The following TNFRSF10A variants were observed in gnomAD, a reference collection of about 807,000 sequenced individuals.
The protein encoded by TNFRSF10A is tumor necrosis factor receptor superfamily member 10A.
TNFRSF10A carries 44 observed loss-of-function variants against 42.8 expected under a neutral mutation model. The ratio of observed to expected loss-of-function variants is 1.03; its 90% CI spans 0.81 to 1.32. The LOEUF (loss-of-function observed/expected upper bound fraction) is 1.32. TNFRSF10A is among the 40% of genes most tolerant of loss of function. The probability of loss-of-function intolerance (pLI) is 0.00; values close to 1 mark genes in which losing one functional copy is unlikely to be tolerated. For missense variants in TNFRSF10A, 680 were observed against 602.0 expected, an observed-to-expected ratio of 1.13 and a Z score of -1.36; for synonymous variants, 259 against 234.2, an observed-to-expected ratio of 1.11 and a Z score of -0.97.
chr8:23,211,560 G>A (rs1413676711), intron 2 of TNFRSF10A, among the ~76,000 whole-genome samples: 2 of 152,034 alleles, frequency 1.3e-5, no homozygotes, highest in East Asian at 1.9e-4. Context: ...AATTAATATG[G>A]AATTTCAAAA....
At chr8:23,217,182 A>G (rs59345980) in intron 1 of TNFRSF10A, among the ~76,000 whole-genome samples, 3,723 of 152,202 alleles carry the variant, frequency 0.024, 138 homozygotes, top group African/African-American at 0.077. Context: ...TTAGACATAT[A>G]CACATTTATG....
At chr8:23,218,164 G>C (rs1378450217) in intron 1 of TNFRSF10A, among the ~76,000 whole-genome samples, 3 of 131,078 alleles carry the variant, frequency 2.3e-5, no homozygotes, top group Non-Finnish European at 3.7e-5. Context: ...GTTTGTGTGT[G>C]TGAGAGAGAG....
In TNFRSF10A at chr8:23,212,178, T is replaced by C. The variant is rs144035000; in HGVS notation, c.341A>G (p.His114Arg). ...VPSSAATIKL[H>R]DQSIGTQQWE... Reference sequence around the variant, plus strand: ...TTGCTGTGTGCCAATTGATTGATCATGAAGTTTGATGGTTGCAGCTGAGCT... The same window carrying C: ...TTGCTGTGTGCCAATTGATTGATCACGAAGTTTGATGGTTGCAGCTGAGCT... The change falls in exon 2 of 10, where the codon CAT (histidine) becomes CGT (arginine). Residue 114 changes from histidine to arginine, a missense_variant. Coordinates refer to ENST00000221132, the MANE Select transcript of TNFRSF10A (RefSeq NM_003844.4). 541 of 1,613,654 alleles carry C rather than the reference T, an allele frequency of 3.4e-4. 2 individuals carry two copies. The highest frequency in any genetic ancestry group is 3.1e-4 in the Non-Finnish European group (360 of 1,179,760).
intron 2 of TNFRSF10A, among the ~76,000 whole-genome samples, 200 bp downstream of exon 2, chr8:23,211,916 G>C (rs1007906902): frequency 2.0e-5 from 3 of 152,122 alleles, no homozygotes; most frequent in Non-Finnish European, 2.9e-5. Flanking sequence ...GAAAACATGG[G>C]GATAAAGCTT....
Position 23,206,718 on chromosome 8 carries a change from A to G in TNFRSF10A, c.404-3957T>C, listed in dbSNP as rs184232116. ...GCACATTACTACAGATTATATAGAAATAAAAAAATTATAAAAGAATACTAT... is the reference window on the plus strand; with the variant it reads ...GCACATTACTACAGATTATATAGAAGTAAAAAAATTATAAAAGAATACTAT... On this transcript the variant is annotated intron_variant, in intron 2 of 9. Coordinates refer to ENST00000221132, the MANE Select transcript of TNFRSF10A (RefSeq NM_003844.4). Among the ~76,000 whole-genome samples the G allele has an allele frequency of 1.5e-4, 23 of 151,850 alleles. No individual in the cohort carries two copies. The East Asian group carries it at 3.5e-3, about 23-fold the overall frequency.
At chr8:23,206,015 C>A (rs1801001233) in intron 2 of TNFRSF10A, among the ~76,000 whole-genome samples, 1 of 151,676 alleles carries the variant, frequency 6.6e-6, no homozygotes, top group African/African-American at 2.4e-5. Context: ...TGCGCCCGGC[C>A]AATGTCTGTG....
chr8:23,200,951 T>C (rs6557630), intron 4 of TNFRSF10A, among the ~76,000 whole-genome samples, 191 bp from the exon 5 acceptor site: 45,699 of 151,922 alleles, frequency 0.3, 7,761 homozygotes, highest in East Asian at 0.83. Context: ...ATGCACACTT[T>C]ACCCCCTTGG....
intron 1 of TNFRSF10A, among the ~76,000 whole-genome samples, chr8:23,218,125 G>A (rs1386475943): frequency 1.3e-5 from 2 of 152,026 alleles, no homozygotes; most frequent in African/African-American, 2.4e-5. Flanking sequence ...CACAGATTTG[G>A]GCTCATGGGG....
chr8:23,197,950 A>C (rs1427644193), intron 8 of TNFRSF10A, among the ~76,000 whole-genome samples: 6 of 152,196 alleles, frequency 3.9e-5, no homozygotes, highest in African/African-American at 1.4e-4. Flanking sequence ...TTTTAAATAT[A>C]TAAACTATTT....
Position 23,191,681 on chromosome 8 carries a change from TA to T in TNFRSF10A, c.*12del. 6.2e-7 allele frequency: 1 copy of T among 1,605,708 alleles called. No individual in the cohort carries two copies. The highest frequency in any genetic ancestry group is 1.1e-5 in the South Asian group (1 of 90,236). ...CTAACACCTAAGAGGAAACCTCTGGTAAAAAGAGTCTTTCACTCCAAGGACA... is the reference window on the plus strand; with the variant it reads ...CTAACACCTAAGAGGAAACCTCTGGTAAAAGAGTCTTTCACTCCAAGGACA... On this transcript the variant is annotated 3_prime_UTR_variant, in exon 10 of 10. Coordinates refer to ENST00000221132, the MANE Select transcript of TNFRSF10A (RefSeq NM_003844.4).
chr8:23,211,861 A>G (rs1801095427), intron 2 of TNFRSF10A, among the ~76,000 whole-genome samples: 1 of 152,242 alleles, frequency 6.6e-6, no homozygotes, highest in African/African-American at 2.4e-5. Flanking sequence ...ATTTACAAAA[A>G]TTAACTGAAA....
In TNFRSF10A at chr8:23,191,642, A is replaced by G. The variant is rs1010793913; in HGVS notation, c.*52T>C. On this transcript the variant is annotated 3_prime_UTR_variant, in exon 10 of 10. Coordinates refer to ENST00000221132, the MANE Select transcript of TNFRSF10A (RefSeq NM_003844.4). ...ACATGTTAAAAAAAAAAAAAACCTAATATGTATTAACTCCTAACACCTAAG... is the reference window on the plus strand; with the variant it reads ...ACATGTTAAAAAAAAAAAAAACCTAGTATGTATTAACTCCTAACACCTAAG... 1.2e-5 allele frequency: 18 copies of G among 1,494,646 alleles called. No individual in the cohort carries two copies. The African/African-American group carries it at 2.1e-4, about 18-fold the overall frequency. 92.6% of individuals were successfully genotyped at this position (1,494,646 alleles called of 1,614,324 possible).
At chr8:23,208,526 G>A (rs558279286) in intron 2 of TNFRSF10A, among the ~76,000 whole-genome samples, 4 of 152,108 alleles carry the variant, frequency 2.6e-5, no homozygotes, top group African/African-American at 7.2e-5. Context: ...GCATGATCTC[G>A]GCTCACTGCA....
intron 2 of TNFRSF10A, among the ~76,000 whole-genome samples, chr8:23,207,945 G>C (rs1488849056): frequency 6.6e-6 from 1 of 151,646 alleles, no homozygotes; most frequent in Non-Finnish European, 1.5e-5. Context: ...TACCAGTAGA[G>C]TGGGGAGCTG....
intron 8 of TNFRSF10A, among the ~76,000 whole-genome samples, chr8:23,197,671 T>C (rs1408195256): frequency 6.6e-6 from 1 of 152,198 alleles, no homozygotes; most frequent in African/African-American, 2.4e-5. Flanking sequence ...ATAAACGTAA[T>C]GTGCTTGAAT....
intron 2 of TNFRSF10A, among the ~76,000 whole-genome samples, chr8:23,211,496 C>G (rs1801091712): frequency 6.6e-6 from 1 of 152,280 alleles, no homozygotes; most frequent in Non-Finnish European, 1.5e-5. Flanking sequence ...ACAGGTGCAA[C>G]ACAATCCCTG....
intron 1 of TNFRSF10A, among the ~76,000 whole-genome samples, chr8:23,215,280 G>A (rs2128850971): frequency 6.6e-6 from 1 of 152,214 alleles, no homozygotes; most frequent in South Asian, 2.1e-4. Context: ...ACTTTGGGAG[G>A]CCAAAGTGGG....
chr8:23,200,221 G>A (rs1345781945), intron 6 of TNFRSF10A, among the ~76,000 whole-genome samples: 1 of 152,242 alleles, frequency 6.6e-6, no homozygotes, highest in Non-Finnish European at 1.5e-5. Context: ...CAGTTGAGGA[G>A]CTGACTGCCC....
chr8:23,193,733 C>G (rs1404558519), intron 9 of TNFRSF10A, among the ~76,000 whole-genome samples: 2 of 152,198 alleles, frequency 1.3e-5, no homozygotes, highest in African/African-American at 2.4e-5. Flanking sequence ...AGTCTGGACA[C>G]TCTTGGAGCT....
Sources: allele counts gnomAD v4.1 joint callset (sites outside exome capture counted in the v4.1 genomes callset), GRCh38; gene constraint gnomAD v4.1.1; transcripts MANE v1.5; gene names NCBI Gene and HGNC (gene_info 2026-07-23, HGNC 2026-07-21).